The following TMEM221 variants were observed in gnomAD, a reference collection of about 807,000 sequenced individuals.
The protein encoded by TMEM221 is Putative transmembrane protein ENSP00000342162.
Under a neutral mutation model 10.2 loss-of-function variants are expected in TMEM221, and 11 were observed. The ratio of observed to expected loss-of-function variants is 1.08; its 90% CI spans 0.68 to 1.79. The LOEUF is 1.79. TMEM221 is among the 40% of genes most tolerant of loss of function. TMEM221 has a pLI of 0.00. For missense variants in TMEM221, 382 were observed against 417.7 expected (o/e 0.91, Z 0.75); for synonymous variants, 172 against 199.8 (o/e 0.86, Z 1.18).
Position 17,436,647 on chromosome 19 carries a change from G to A in TMEM221, c.687C>T (p.Pro229=), listed in dbSNP as rs1279050085. The change falls in exon 3 of 3, where the codon CCC becomes CCT. Residue 229 remains proline, a synonymous_variant. Coordinates refer to ENST00000341130, the MANE Select transcript of TMEM221 (RefSeq NM_001190844.2). ...PYSTCPEPGD[P]FGSMATATAP... ...CTGTGGCAGTGGCCATGGACCCAAA[G>A]GGGTCCCCAGGCTCTGGACAGGTTG... The A allele has an allele frequency of 6.5e-7, 1 of 1,535,928 alleles. No homozygotes were observed. The highest frequency in any genetic ancestry group is 1.4e-5 in the African/African-American group (1 of 73,062).
In TMEM221 at chr19:17,448,017, GGTGGGGAGAGGGAA is replaced by G; in HGVS notation, c.320+112_320+125del. The G allele has an allele frequency of 1.5e-6, 1 of 659,742 alleles. No individual in the cohort carries two copies. Among genetic ancestry groups the G allele is most frequent in the Non-Finnish European group, 2.1e-6 (1 of 465,408 alleles). The allele number at this position is 659,742 out of a possible 1,614,324, so 40.9% of individuals were successfully genotyped here. Reference sequence around the variant, plus strand: ...GGAGGGAGGCAGAGAGACATGGAGTGGTGGGGAGAGGGAAGTGGGGAGGGAAGCTGTCCCCCCAG... The same window carrying G: ...GGAGGGAGGCAGAGAGACATGGAGTGGTGGGGAGGGAAGCTGTCCCCCCAG... On this transcript the variant is annotated intron_variant, in intron 1 of 2. Coordinates refer to ENST00000341130, the MANE Select transcript of TMEM221 (RefSeq NM_001190844.2). The surrounding 1 kb of genome is among the most constrained non-coding windows in gnomAD (Gnocchi z 4.7).
intron 2 of TMEM221, among the ~76,000 whole-genome samples, chr19:17,438,254 AT>A (rs1693454229): frequency 1.3e-5 from 2 of 151,656 alleles, no homozygotes; most frequent in Admixed American, 1.3e-4. Context: ...ACGCCAGCTA[AT>A]TTTTGTATTT....
At position 17,448,078 on chromosome 19, in the gene TMEM221, G is replaced by A; in HGVS notation, c.320+65C>T. ...CCAGCCTGAGGCCAAAAGAGGGGAA[G>A]AGGCTCAACCAGGCTCACCCAGCCC... is the stretch of plus-strand genomic sequence containing the variant. On this transcript the variant is annotated intron_variant, in intron 1 of 2. Coordinates refer to ENST00000341130, the MANE Select transcript of TMEM221 (RefSeq NM_001190844.2). This position sits in a 1 kb window ranked among gnomAD's most constrained non-coding sequence, Gnocchi z 4.7. 8.0e-7 allele frequency: 1 copy of A among 1,257,742 alleles called. No individual in the cohort carries two copies. The highest frequency in any genetic ancestry group is 1.0e-6 in the Non-Finnish European group (1 of 992,232). 77.9% of individuals were successfully genotyped at this position (1,257,742 alleles called of 1,614,324 possible). A position where few individuals can be genotyped will look rare whatever the true frequency, so the allele number is the denominator to read the frequency against.
chr19:17,441,377 C>T (rs564781327), intron 2 of TMEM221, among the ~76,000 whole-genome samples: 16 of 152,062 alleles, frequency 1.1e-4, no homozygotes, highest in East Asian at 3.9e-4. Context: ...AACTCTGTGG[C>T]GACCACCAAA....
rs1483711466 is a variant in TMEM221 at position 17,448,447 on chromosome 19, C to T, written c.16G>A (p.Gly6Ser). MARSYGGRVLAAMTLL... is the reference protein window; with the variant it reads MARSYSGRVLAAMTLL... ...GTCATTGCAGCCAGCACCCGGCCGC[C>T]GTAAGAACGGGCCATGGCGGGGGTT... Residue 6 changes from glycine (G) to serine (S), a missense_variant, in exon 1 of 3, where the codon GGC (glycine) becomes AGC (serine). By Grantham distance (56) the Gly-to-Ser change is moderately conservative. Coordinates refer to ENST00000341130, the MANE Select transcript of TMEM221 (RefSeq NM_001190844.2). The surrounding 1 kb of genome is among the most constrained non-coding windows in gnomAD (Gnocchi z 4.7). The T allele has an allele frequency of 1.4e-6, 2 of 1,480,374 alleles. No homozygotes were observed. Among genetic ancestry groups the T allele is most frequent in the Non-Finnish European group, 1.8e-6 (2 of 1,122,036 alleles). The allele number at this position is 1,480,374 out of a possible 1,614,324, so 91.7% of individuals were successfully genotyped here.
intron 2 of TMEM221, among the ~76,000 whole-genome samples, chr19:17,443,158 G>A (rs2144502643): frequency 6.6e-6 from 1 of 152,040 alleles, no homozygotes; most frequent in East Asian, 1.9e-4. Context: ...GTGGGCACCT[G>A]TAGTCCCAGC....
At chr19:17,445,027 T>C (rs372042220) in intron 2 of TMEM221, 172 bp downstream of exon 2, 39 of 568,324 alleles carry the variant, frequency 6.9e-5, no homozygotes, top group East Asian at 4.1e-4. Flanking sequence ...ATTGTACTGA[T>C]GAGGAAATCA....
In TMEM221 at chr19:17,448,598, G is replaced by A. The variant is rs1238107244; in HGVS notation, c.-136C>T. 1 of 597,246 alleles carries A rather than the reference G, an allele frequency of 1.7e-6. No homozygotes were observed. The highest frequency in any genetic ancestry group is 2.5e-6 in the Non-Finnish European group (1 of 402,814). 37.0% of individuals were successfully genotyped at this position (597,246 alleles called of 1,614,324 possible). The stretch of plus-strand genomic sequence containing the variant: ...GCCGCAGGGAGTGTCTGAAAGTTCG[G>A]GGACTGGGCTGGGGGTCGCCAGACG... On this transcript the variant is annotated 5_prime_UTR_variant, in exon 1 of 3. Coordinates refer to ENST00000341130, the MANE Select transcript of TMEM221 (RefSeq NM_001190844.2). This position sits in a 1 kb window ranked among gnomAD's most constrained non-coding sequence, Gnocchi z 4.7.
At chr19:17,442,921 A>C (rs1222420462) in intron 2 of TMEM221, among the ~76,000 whole-genome samples, 2 of 152,124 alleles carry the variant, frequency 1.3e-5, no homozygotes, top group African/African-American at 4.8e-5. Context: ...TGCACTTCAC[A>C]TATATAAATT....
chr19:17,436,379 A>G lies in TMEM221; in HGVS notation c.*79T>C, dbSNP rs771753829. The G allele has an allele frequency of 3.2e-5, 42 of 1,308,232 alleles. No homozygotes were observed. Among genetic ancestry groups the G allele is most frequent in the Middle Eastern group, 2.7e-4 (1 of 3,646 alleles). The allele number at this position is 1,308,232 out of a possible 1,614,324, so 81.0% of individuals were successfully genotyped here. On this transcript the variant is annotated 3_prime_UTR_variant, in exon 3 of 3. Transcript: ENST00000341130. Reference sequence around the variant, plus strand: ...TAAAATGAGAGAAAAATCAAGTCCTACTGCTACTGCAGCTGAACCCGAACC... The same window carrying G: ...TAAAATGAGAGAAAAATCAAGTCCTGCTGCTACTGCAGCTGAACCCGAACC...
rs1361825543 is a variant in TMEM221, at chr19:17,436,504, A to G, written c.830T>C (p.Leu277Pro). The G allele has an allele frequency of 4.6e-6, 7 of 1,533,746 alleles. No homozygotes were observed. In the East Asian group the frequency reaches 1.2e-4, roughly 27 times the overall value. ...DGVTHEMRRM[L>P]GHRPGSMGKD... ...CCCCATGCTCCCTGGTCTGTGGCCCAGCATTCGACGCATCTCGTGCGTAAC... is the reference window on the plus strand; with the variant it reads ...CCCCATGCTCCCTGGTCTGTGGCCCGGCATTCGACGCATCTCGTGCGTAAC... Residue 277 changes from leucine to proline, a missense_variant, in exon 3 of 3, where the codon CTG (leucine) becomes CCG (proline). Transcript: ENST00000341130.
chr19:17,440,376 G>A (rs764073759), intron 2 of TMEM221, among the ~76,000 whole-genome samples: 32 of 151,938 alleles, frequency 2.1e-4, no homozygotes, highest in Admixed American at 5.3e-4. Context: ...ACAGCCGCCC[G>A]CCACCACACC....
chr19:17,436,539 G>C lies in TMEM221; in HGVS notation c.795C>G (p.His265Gln). Reference sequence around the variant, plus strand: ...GCATCTCGTGCGTAACCCCGTCCCAGTGCCCCAGGCCAGCCGACAGTGTCC... The same window carrying C: ...GCATCTCGTGCGTAACCCCGTCCCACTGCCCCAGGCCAGCCGACAGTGTCC... ...MHRTLSAGLG[H>Q]WDGVTHEMRR... The change falls in exon 3 of 3, where the codon CAC becomes CAG. Residue 265 changes from histidine (H) to glutamine (Q), a missense_variant. Transcript: ENST00000341130. The C allele has an allele frequency of 6.5e-7, 1 of 1,536,010 alleles. No homozygotes were observed.
intron 1 of TMEM221, among the ~76,000 whole-genome samples, chr19:17,447,315 C>G (rs183019743): frequency 2.6e-5 from 4 of 152,120 alleles, no homozygotes; most frequent in Non-Finnish European, 5.9e-5. Flanking sequence ...AACCACCATG[C>G]CTTGTCCTTG....
intron 2 of TMEM221, 163 bp downstream of exon 2, chr19:17,445,036 C>A: frequency 1.7e-6 from 1 of 584,918 alleles, no homozygotes; most frequent in Non-Finnish European, 3.1e-6. Context: ...ATGAGGAAAT[C>A]AAGGCACAGA....
At chr19:17,443,519 G>C (rs373652819) in intron 2 of TMEM221, among the ~76,000 whole-genome samples, 6 of 151,150 alleles carry the variant, frequency 4.0e-5, no homozygotes, top group Non-Finnish European at 5.9e-5. Context: ...ATGGTGGGGT[G>C]GGGGGGCGGT....
intron 2 of TMEM221, among the ~76,000 whole-genome samples, chr19:17,442,452 T>C (rs1462435537): frequency 6.6e-6 from 1 of 150,624 alleles, no homozygotes; most frequent in Non-Finnish European, 1.5e-5. Context: ...CTTTTTTTTT[T>C]TTTTTTAGAT....
intron 2 of TMEM221, among the ~76,000 whole-genome samples, chr19:17,441,654 CAGAT>C (rs1158339832): frequency 6.6e-6 from 1 of 152,058 alleles, no homozygotes; most frequent in African/African-American, 2.4e-5. Flanking sequence ...GCTACTGGGA[CAGAT>C]AGATTTTCCT....
In TMEM221 at chr19:17,435,946, T is replaced by G. The variant is rs115549552; in HGVS notation, c.*512A>C. On this transcript the variant is annotated 3_prime_UTR_variant, in exon 3 of 3. Transcript: ENST00000341130. ...ACTTGCACATCAGCAGCATGGAGAT[T>G]ATGGGGTTCAGGTGAGAATCCTGGC... 0.02 allele frequency: 3,070 copies of G among 152,738 alleles called. 96 individuals are homozygous for G. The highest frequency in any genetic ancestry group is 0.069 in the African/African-American group (2,853 of 41,524). The allele number at this position is 152,738 out of a possible 1,614,324, so 9.5% of individuals were successfully genotyped here.
Sources: allele counts gnomAD v4.1 joint callset (sites outside exome capture counted in the v4.1 genomes callset), GRCh38; gene constraint gnomAD v4.1.1; non-coding constraint Gnocchi (gnomAD v3.1); transcripts MANE v1.5; gene names NCBI Gene and HGNC (gene_info 2026-07-23, HGNC 2026-07-21).